CLYBL: variants seen among roughly 807,000 people sequenced by gnomAD.
CLYBL encodes citramalyl-CoA lyase.
In CLYBL, 31 loss-of-function variants were observed where a neutral mutation model predicts 38.9. The observed-to-expected ratio is 0.80, with a 90% CI of 0.60 to 1.08. The LOEUF (loss-of-function observed/expected upper bound fraction) is 1.08. Among genes scored for constraint, CLYBL ranks in the 50% least tolerant of loss-of-function variants. CLYBL has a pLI of 0.00. For missense variants in CLYBL, 434 were observed against 411.6 expected (o/e 1.05, Z -0.47); for synonymous variants, 171 against 158.6 (o/e 1.08, Z -0.59).
intron 7 of CLYBL, among the ~76,000 whole-genome samples, chr13:99,878,218 C>T (rs959027985): frequency 1.5e-4 from 23 of 152,102 alleles, no homozygotes; most frequent in African/African-American, 5.3e-4. Flanking sequence ...AAGATGTTTC[C>T]ATCAATTATT....
At chr13:99,850,909 C>T (rs1199290878) in intron 2 of CLYBL, among the ~76,000 whole-genome samples, 6 of 152,078 alleles carry the variant, frequency 3.9e-5, no homozygotes, top group Admixed American at 2.0e-4. Context: ...TTATGCTTAG[C>T]GAAATAACCA....
At chr13:99,770,511 G>T (rs1299809632) in intron 1 of CLYBL, among the ~76,000 whole-genome samples, 2 of 152,066 alleles carry the variant, frequency 1.3e-5, no homozygotes, top group Non-Finnish European at 2.9e-5. Context: ...TAGAGACGGG[G>T]TTTCACTGTG....
chr13:99,760,815 C>T (rs1467433936), intron 1 of CLYBL, among the ~76,000 whole-genome samples: 2 of 152,186 alleles, frequency 1.3e-5, no homozygotes, highest in African/African-American at 4.8e-5. Flanking sequence ...AAGATCAAAG[C>T]ACCATACTCA....
chr13:99,717,954 T>C (rs770651709), intron 1 of CLYBL, among the ~76,000 whole-genome samples: 3 of 152,214 alleles, frequency 2.0e-5, no homozygotes, highest in Non-Finnish European at 4.4e-5. Flanking sequence ...TATATTTATC[T>C]GGAATATAGT....
At chr13:99,777,892 T>C (rs1225090337) in intron 2 of CLYBL, among the ~76,000 whole-genome samples, 1 of 152,264 alleles carries the variant, frequency 6.6e-6, no homozygotes, top group Non-Finnish European at 1.5e-5. Flanking sequence ...ATGTACAAGG[T>C]CACATTGCCA....
At chr13:99,759,567 T>C (rs1007219226) in intron 1 of CLYBL, among the ~76,000 whole-genome samples, 12 of 152,102 alleles carry the variant, frequency 7.9e-5, no homozygotes, top group African/African-American at 2.7e-4. Context: ...CAGAGAGATG[T>C]GAGACCACCC....
intron 1 of CLYBL, among the ~76,000 whole-genome samples, chr13:99,655,839 A>G (rs1198432728): frequency 6.6e-6 from 1 of 152,232 alleles, no homozygotes; most frequent in Non-Finnish European, 1.5e-5. Flanking sequence ...AGAGATATTG[A>G]TGAGTGAACC....
intron 1 of CLYBL, among the ~76,000 whole-genome samples, chr13:99,678,897 G>C (rs1466298035): frequency 6.6e-6 from 1 of 152,118 alleles, no homozygotes; most frequent in Non-Finnish European, 1.5e-5. Flanking sequence ...TCACTGACTA[G>C]ATATTTATTG....
intron 2 of CLYBL, among the ~76,000 whole-genome samples, chr13:99,816,926 C>T (rs964316950): frequency 2.6e-5 from 4 of 152,180 alleles, no homozygotes; most frequent in Non-Finnish European, 2.9e-5. Context: ...GGAGCCTGAA[C>T]GTGCGCTGCG....
intron 2 of CLYBL, among the ~76,000 whole-genome samples, chr13:99,825,225 G>T (rs1263519170): frequency 1.3e-5 from 2 of 152,146 alleles, no homozygotes; most frequent in Non-Finnish European, 2.9e-5. Flanking sequence ...TAGAACTAGG[G>T]GTGGAAGATC....
chr13:99,811,635 T>C (rs1233561334), intron 2 of CLYBL, among the ~76,000 whole-genome samples: 6 of 152,082 alleles, frequency 3.9e-5, no homozygotes, highest in African/African-American at 1.4e-4. Flanking sequence ...CTGCATTGCT[T>C]TTACTGACGC....
At chr13:99,802,608 T>C (rs2050157125) in intron 2 of CLYBL, among the ~76,000 whole-genome samples, 1 of 152,112 alleles carries the variant, frequency 6.6e-6, no homozygotes, top group Non-Finnish European at 1.5e-5. Flanking sequence ...CAGGTAAATA[T>C]TTGTGAAATG....
chr13:99,783,569 G>T (rs1174320587), intron 2 of CLYBL, among the ~76,000 whole-genome samples: 4 of 151,820 alleles, frequency 2.6e-5, no homozygotes, highest in Non-Finnish European at 5.9e-5. Context: ...CCATTCTCCT[G>T]CCTCAGCCTC....
intron 2 of CLYBL, among the ~76,000 whole-genome samples, chr13:99,808,788 A>C (rs1030750759): frequency 2.0e-5 from 3 of 152,240 alleles, no homozygotes; most frequent in African/African-American, 7.2e-5. Context: ...TTTAATATTA[A>C]CTTAAAAACC....
intron 2 of CLYBL, among the ~76,000 whole-genome samples, chr13:99,792,974 T>A (rs1474059984): frequency 6.6e-6 from 1 of 151,986 alleles, no homozygotes; most frequent in Admixed American, 6.6e-5. Context: ...CCTGAGCATA[T>A]ATATTCTCTC....
At chr13:99,682,035 C>T (rs2047742663) in intron 1 of CLYBL, among the ~76,000 whole-genome samples, 1 of 152,214 alleles carries the variant, frequency 6.6e-6, no homozygotes, top group Non-Finnish European at 1.5e-5. Flanking sequence ...CAACCTACCG[C>T]ACACCTAGGC....
At chr13:99,811,031 CTCT>C (rs2050331220) in intron 2 of CLYBL, among the ~76,000 whole-genome samples, 1 of 152,150 alleles carries the variant, frequency 6.6e-6, no homozygotes, top group Non-Finnish European at 1.5e-5. Context: ...GAGCAAAGAC[CTCT>C]TCCACACACA....
Position 99,613,508 on chromosome 13 carries a change from C to T in CLYBL, c.62+6751C>T, listed in dbSNP as rs918301788. Among the ~76,000 whole-genome samples the T allele has an allele frequency of 3.3e-5, 5 of 152,024 alleles. 1 individual carries two copies. The highest frequency in any genetic ancestry group is 9.7e-5 in the African/African-American group (4 of 41,388). On this transcript the variant is annotated intron_variant, in intron 1 of 8. Transcript: ENST00000339105. The stretch of plus-strand genomic sequence containing the variant: ...CATCTTTGAAGCCTCCTGAGGTTAC[C>T]GTGACAACCACTACTGTCCCTCTGT...
At chr13:99,710,213 A>C (rs886255438) in intron 1 of CLYBL, among the ~76,000 whole-genome samples, 1 of 151,792 alleles carries the variant, frequency 6.6e-6, no homozygotes, top group African/African-American at 2.4e-5. Context: ...TGCCCGGCCC[A>C]CCCTTACCTA....
Sources: gnomAD v4.1 joint callset for allele counts (sites outside exome capture counted in the v4.1 genomes callset) on GRCh38, gnomAD v4.1.1 for gene constraint, MANE v1.5 for transcripts, NCBI Gene and HGNC (gene_info 2026-07-23, HGNC 2026-07-21) for gene names.